Variants in FBXW7 observed in about 807,000 individuals in gnomAD.
FBXW7 encodes the protein F-box/WD repeat-containing protein 7.
FBXW7 carries 11 observed loss-of-function variants against 86.3 expected under a neutral mutation model. That is an observed-to-expected ratio of 0.13 (90% CI 0.08 to 0.21). The LOEUF (loss-of-function observed/expected upper bound fraction) is 0.21. Ranked by LOEUF, FBXW7 falls within the 10% of genes least tolerant of loss-of-function variation. FBXW7 has a pLI of 1.00. For missense variants in FBXW7, 488 were observed against 847.4 expected (o/e 0.58, Z 5.27); for synonymous variants, 313 against 297.9 (o/e 1.05, Z -0.52).
chr4:152,447,070 T>G (rs1158067475), intron 2 of FBXW7, among the ~76,000 whole-genome samples: 1 of 152,222 alleles, frequency 6.6e-6, no homozygotes, highest in African/African-American at 2.4e-5. Context: ...ATGTGCAGAC[T>G]AGCACAGATA....
intron 2 of FBXW7, among the ~76,000 whole-genome samples, chr4:152,520,725 G>GA (rs1448660805): frequency 1.3e-5 from 2 of 152,096 alleles, no homozygotes; most frequent in Admixed American, 1.3e-4. Flanking sequence ...TGTGAAAAAG[G>GA]AATCAGCCAA....
Position 152,383,403 on chromosome 4 carries a change from C to T in FBXW7, c.501+27900G>A, listed in dbSNP as rs149464264. On this transcript the variant is annotated intron_variant, in intron 4 of 13. Transcript: ENST00000281708. The stretch of plus-strand genomic sequence containing the variant: ...GATGAAGACTCTCTTCAAAGTGGCC[C>T]CAAACTAAACTTTCCAGCATTATCT... 5.8e-4 allele frequency among the ~76,000 whole-genome samples: 89 copies of T among 152,190 alleles called. No individual in the cohort carries two copies. The East Asian group carries it at 0.016, about 27-fold the overall frequency.
Position 152,356,767 on chromosome 4 carries a change from T to C in FBXW7, c.502-6643A>G, listed in dbSNP as rs140623674. Reference sequence around the variant, plus strand: ...CTGGCAAACTAATAAACCTGTTCTATTACAGATATCAACTGGAATAGTATA... The same window carrying C: ...CTGGCAAACTAATAAACCTGTTCTACTACAGATATCAACTGGAATAGTATA... On this transcript the variant is annotated intron_variant, in intron 4 of 13. Transcript: ENST00000281708. 4.5e-3 allele frequency among the ~76,000 whole-genome samples: 690 copies of C among 152,328 alleles called. 18 individuals are homozygous for C. The East Asian group carries it at 0.046, about 10-fold the overall frequency.
chr4:152,419,543 G>C (rs1040603445), intron 2 of FBXW7, among the ~76,000 whole-genome samples: 8 of 49,474 alleles, frequency 1.6e-4, no homozygotes, highest in Non-Finnish European at 4.0e-4. Context: ...ACACAGAGTG[G>C]CAAAGTCTTA....
At position 152,464,894 on chromosome 4, in the gene FBXW7, G is replaced by C. The variant is rs78408037; in HGVS notation, c.-119-52365C>G. 2.0e-5 allele frequency among the ~76,000 whole-genome samples: 3 copies of C among 152,254 alleles called. No individual in the cohort carries two copies. The South Asian group carries it at 6.2e-4, about 32-fold the overall frequency. ...TGCAATAACTTTATTGGAAGAAAAAGGGGTCAGTATTACTGTTCAATGATT... is the reference window on the plus strand; with the variant it reads ...TGCAATAACTTTATTGGAAGAAAAACGGGTCAGTATTACTGTTCAATGATT... On this transcript the variant is annotated intron_variant, in intron 2 of 13. Coordinates refer to ENST00000281708, the MANE Select transcript of FBXW7 (RefSeq NM_001349798.2).
Position 152,465,930 on chromosome 4 carries a change from C to G in FBXW7, c.-119-53401G>C, listed in dbSNP as rs545860189. 2.0e-5 allele frequency among the ~76,000 whole-genome samples: 3 copies of G among 151,562 alleles called. No individual in the cohort carries two copies. In the East Asian group the frequency reaches 5.8e-4, roughly 29 times the overall value. On this transcript the variant is annotated intron_variant, in intron 2 of 13. Transcript: ENST00000281708. ...GCCAATGAACACCATGATTTTAAATCAACTAACAAGAATATCAGTGATCCT... is the reference window on the plus strand; with the variant it reads ...GCCAATGAACACCATGATTTTAAATGAACTAACAAGAATATCAGTGATCCT...
At chr4:152,521,595 A>C (rs1261797013) in intron 2 of FBXW7, among the ~76,000 whole-genome samples, 1 of 152,158 alleles carries the variant, frequency 6.6e-6, no homozygotes, top group Non-Finnish European at 1.5e-5. Flanking sequence ...AAGTCAGTAC[A>C]TTCAAATTCC....
At chr4:152,334,887 A>G (rs1196428354) in intron 7 of FBXW7, among the ~76,000 whole-genome samples, 1 of 152,228 alleles carries the variant, frequency 6.6e-6, no homozygotes, top group African/African-American at 2.4e-5. Context: ...AAAACATCTA[A>G]GCAATACAGA....
intron 4 of FBXW7, among the ~76,000 whole-genome samples, chr4:152,393,613 A>G (rs1736175098): frequency 6.6e-6 from 1 of 152,132 alleles, no homozygotes; most frequent in Admixed American, 6.6e-5. Context: ...TTAAACTTAT[A>G]ATGTAGTCTT....
intron 13 of FBXW7, 78 bp downstream of exon 13, chr4:152,324,105 TG>T: frequency 8.8e-7 from 1 of 1,130,492 alleles, no homozygotes; most frequent in Non-Finnish European, 1.3e-6. Flanking sequence ...TGACTCTTTT[TG>T]TGATGCTAAG....
At chr4:152,332,512 T>C (rs1729657915) in intron 8 of FBXW7, 84 bp downstream of exon 8, 1 of 1,290,770 alleles carries the variant, frequency 7.7e-7, no homozygotes, top group Non-Finnish European at 1.0e-6. Context: ...TAGCTGAATA[T>C]TATTTTTATT....
At chr4:152,382,376 A>G (rs972153510) in intron 4 of FBXW7, 1 of 1,429,060 alleles carries the variant, frequency 7.0e-7, no homozygotes, top group Non-Finnish European at 9.2e-7. Flanking sequence ...TCTACATGTA[A>G]TACAGGCACA....
chr4:152,525,379 G>T (rs1299207125), intron 2 of FBXW7, among the ~76,000 whole-genome samples: 2 of 152,072 alleles, frequency 1.3e-5, no homozygotes, highest in African/African-American at 2.4e-5. Flanking sequence ...ATGTCACGAG[G>T]GTGTGCTGTA....
At chr4:152,379,895 T>C (rs1388093738) in intron 4 of FBXW7, among the ~76,000 whole-genome samples, 1 of 152,190 alleles carries the variant, frequency 6.6e-6, no homozygotes, top group African/African-American at 2.4e-5. Context: ...GAAGTTATAG[T>C]TATTACTGCT....
Position 152,397,695 on chromosome 4 carries a change from CAAAAA to C in FBXW7, c.501+13603_501+13607del, listed in dbSNP as rs397995836. Among the ~76,000 whole-genome samples, 472 of 60,368 alleles carry C rather than the reference CAAAAA, an allele frequency of 7.8e-3. 4 individuals are homozygous for C. Among genetic ancestry groups the C allele is most frequent in the African/African-American group, 0.023 (410 of 18,016 alleles). 39.6% of individuals were successfully genotyped at this position (60,368 alleles called of 152,430 possible). On this transcript the variant is annotated intron_variant, in intron 4 of 13. Coordinates refer to ENST00000281708, the MANE Select transcript of FBXW7 (RefSeq NM_001349798.2). ...TTCTCATTTCTTTACCCTAAGAAGCCAAAAAAAAAAAAAAAAAAAAAAAAAAAATT... is the reference window on the plus strand; with the variant it reads ...TTCTCATTTCTTTACCCTAAGAAGCCAAAAAAAAAAAAAAAAAAAAAAATT...
At chr4:152,501,135 T>C (rs1288850490) in intron 2 of FBXW7, among the ~76,000 whole-genome samples, 4 of 152,234 alleles carry the variant, frequency 2.6e-5, no homozygotes, top group Non-Finnish European at 5.9e-5. Flanking sequence ...CTTTGATATA[T>C]TAATGTGCAT....
Position 152,535,771 on chromosome 4 carries a change from C to A in FBXW7, c.-857G>T. On this transcript the variant is annotated 5_prime_UTR_variant, in exon 1 of 14. Coordinates refer to ENST00000281708, the MANE Select transcript of FBXW7 (RefSeq NM_001349798.2). ...CCGCGGAGCAGCTACCCACTCCCGG[C>A]CCGTGGTAGCCGCCTCCCTGCCCCC... 1 of 393,986 alleles carries A rather than the reference C, an allele frequency of 2.5e-6. No individual in the cohort carries two copies. The allele number at this position is 393,986 out of a possible 1,614,324, so 24.4% of individuals were successfully genotyped here. A position where few individuals can be genotyped will look rare whatever the true frequency, so the allele number is the denominator to read the frequency against.
chr4:152,372,902 A>G (rs376523794), intron 4 of FBXW7, among the ~76,000 whole-genome samples: 40 of 152,110 alleles, frequency 2.6e-4, no homozygotes, highest in African/African-American at 9.4e-4. Flanking sequence ...CCTATCTGAC[A>G]ACTAGGGCAC....
intron 2 of FBXW7, among the ~76,000 whole-genome samples, chr4:152,450,694 T>C (rs1204946721): frequency 6.6e-6 from 1 of 152,240 alleles, no homozygotes; most frequent in Admixed American, 6.5e-5. Flanking sequence ...CATAACAATT[T>C]GATATTTGTA....
Sources: gnomAD v4.1 joint callset for allele counts (sites outside exome capture counted in the v4.1 genomes callset) on GRCh38, gnomAD v4.1.1 for gene constraint, MANE v1.5 for transcripts, NCBI Gene and HGNC (gene_info 2026-07-23, HGNC 2026-07-21) for gene names.